The following ATG2B variants were observed in gnomAD, a reference collection of about 807,000 sequenced individuals.
ATG2B encodes the protein autophagy-related protein 2 homolog B.
A neutral mutation model predicts 241.3 loss-of-function variants in ATG2B; 121 were observed. The observed-to-expected ratio is 0.50, with a 90% CI of 0.43 to 0.58. The LOEUF (loss-of-function observed/expected upper bound fraction) is 0.58. Ranked by LOEUF, ATG2B falls within the 20% of genes least tolerant of loss-of-function variation. The pLI is 0.00. For missense variants in ATG2B, 2,306 were observed against 2,491.6 expected (o/e 0.93, Z 1.59); for synonymous variants, 858 against 876.6 (o/e 0.98, Z 0.37).
chr14:96,317,151 A>G lies in ATG2B; in HGVS notation c.3204T>C (p.Asp1068=), dbSNP rs1430797758. 1 of 1,606,062 alleles carries G rather than the reference A, an allele frequency of 6.2e-7. No individual in the cohort carries two copies. Among genetic ancestry groups the G allele is most frequent in the African/African-American group, 1.3e-5 (1 of 74,616 alleles). The change falls in exon 20 of 42, where the codon GAT becomes GAC. Residue 1068 remains aspartate, a synonymous_variant. Coordinates refer to ENST00000359933, the MANE Select transcript of ATG2B (RefSeq NM_018036.7). ...TCGGATTTGTAAACCTCACCTTCAC[A>G]TCTGTGAACACTGCTATTAATCCAT... The part of the protein sequence containing the change: ...INHGLIAVFT[D]VKQDNGDLLE...
intron 23 of ATG2B, among the ~76,000 whole-genome samples, 186 bp downstream of exon 23, chr14:96,314,968 G>A (rs1329699673): frequency 1.3e-5 from 2 of 152,352 alleles, no homozygotes; most frequent in East Asian, 3.9e-4. Flanking sequence ...TGGGATTACA[G>A]GCATGAGCCA....
intron 29 of ATG2B, 26 bp downstream of exon 29, chr14:96,309,427 C>T (rs1295483691): frequency 1.3e-6 from 2 of 1,591,348 alleles, no homozygotes; most frequent in Non-Finnish European, 1.7e-6. Flanking sequence ...AACATCAGTG[C>T]TCCCTGAGAA....
chr14:96,299,916 A>G (rs1345598409), intron 34 of ATG2B, among the ~76,000 whole-genome samples: 2 of 152,252 alleles, frequency 1.3e-5, no homozygotes, highest in Non-Finnish European at 2.9e-5. Context: ...GAAAAAATAA[A>G]CAAAAATATT....
In ATG2B at chr14:96,356,302, G is replaced by A. The variant is rs76335581; in HGVS notation, c.162+6513C>T. On this transcript the variant is annotated intron_variant, in intron 1 of 41. Transcript: ENST00000359933. Reference sequence around the variant, plus strand: ...CATTAAATCTTCATAATAACCCTCCGAATTAGGTATTTTTGTGCCTACTTT... The same window carrying A: ...CATTAAATCTTCATAATAACCCTCCAAATTAGGTATTTTTGTGCCTACTTT... 9.2e-3 allele frequency among the ~76,000 whole-genome samples: 1,398 copies of A among 152,056 alleles called. 27 individuals are homozygous for A. The highest frequency in any genetic ancestry group is 0.032 in the African/African-American group (1,341 of 41,444).
rs144736395 is a variant in ATG2B, at chr14:96,286,130, T to A, written c.6007-145A>T. ...CAAAAAAAAATGCCATGCTTTTAGA[T>A]AAACCAGGATTATTATTTTTAATGA... is the stretch of plus-strand genomic sequence containing the variant. On this transcript the variant is annotated intron_variant, in intron 41 of 41. Coordinates refer to ENST00000359933, the MANE Select transcript of ATG2B (RefSeq NM_018036.7). 1,444 of 598,630 alleles carry A rather than the reference T, an allele frequency of 2.4e-3. 20 individuals carry two copies. The highest frequency in any genetic ancestry group is 0.022 in the African/African-American group (1,208 of 54,254). The allele number at this position is 598,630 out of a possible 1,614,324, so 37.1% of individuals were successfully genotyped here.
At chr14:96,292,922 A>T (rs763627150) in intron 36 of ATG2B, 12 of 152,184 alleles carry the variant, frequency 7.9e-5, no homozygotes, top group Non-Finnish European at 1.8e-4. Context: ...ATATACTCTA[A>T]ATCATTTCTA....
Position 96,306,882 on chromosome 14 carries a change from T to G in ATG2B, c.4338A>C (p.Pro1446=), listed in dbSNP as rs774772400. 3.7e-6 allele frequency: 6 copies of G among 1,613,758 alleles called. No individual in the cohort carries two copies. Among genetic ancestry groups the G allele is most frequent in the African/African-American group, 1.3e-5 (1 of 74,898 alleles). ...VLDEKSQIQE[P]CCSDLFLFPD... ...GAAACAGGAAGAGGTCTGAACAACA[T>G]GGCTCCTGAATTTGAGATTTTTCAT... The change falls in exon 30 of 42, where the codon CCA becomes CCC. Residue 1446 remains proline (P), a synonymous_variant. Transcript: ENST00000359933.
chr14:96,353,555 G>A (rs1237217055), intron 1 of ATG2B, among the ~76,000 whole-genome samples: 1 of 152,046 alleles, frequency 6.6e-6, no homozygotes, highest in Non-Finnish European at 1.5e-5. Context: ...GAACCTGGGA[G>A]GCTGAGGTTG....
At chr14:96,286,206 G>A (rs925230496) in intron 41 of ATG2B, among the ~76,000 whole-genome samples, 2 of 151,960 alleles carry the variant, frequency 1.3e-5, no homozygotes, top group African/African-American at 4.8e-5. Context: ...GTATTTTGTT[G>A]TGACACTAGT....
chr14:96,329,413 G>A, intron 12 of ATG2B, 71 bp downstream of exon 12: 1 of 1,067,772 alleles, frequency 9.4e-7, no homozygotes, highest in Non-Finnish European at 1.3e-6. Flanking sequence ...GAAAATCATT[G>A]CCTCATACAA....
rs968695020 is a variant in ATG2B, at chr14:96,284,199, G to A, written c.*1556C>T. ...AGGCGCCTTCCCGGTAACACAGCAC[G>A]CCTTCCTGTTAGTGTGTCGCCAGGA... On this transcript the variant is annotated 3_prime_UTR_variant, in exon 42 of 42. Coordinates refer to ENST00000359933, the MANE Select transcript of ATG2B (RefSeq NM_018036.7). The A allele has an allele frequency of 2.2e-4, 34 of 152,304 alleles. No homozygotes were observed. Among genetic ancestry groups the A allele is most frequent in the African/African-American group, 8.2e-4 (34 of 41,566 alleles). 9.4% of individuals were successfully genotyped at this position (152,304 alleles called of 1,614,324 possible). A position where few individuals can be genotyped will look rare whatever the true frequency, so the allele number is the denominator to read the frequency against.
intron 1 of ATG2B, among the ~76,000 whole-genome samples, chr14:96,357,621 G>A (rs943735877): frequency 6.6e-6 from 1 of 151,738 alleles, no homozygotes. Flanking sequence ...CCATCAACTA[G>A]GTACCACAAG....
At chr14:96,352,654 TAAG>T (rs1192030150) in intron 1 of ATG2B, among the ~76,000 whole-genome samples, 1 of 151,068 alleles carries the variant, frequency 6.6e-6, no homozygotes, top group Non-Finnish European at 1.5e-5. Context: ...GCTTATAGCA[TAAG>T]AATATAAAGA....
chr14:96,316,829 A>G, intron 20 of ATG2B, 146 bp from the exon 21 acceptor site: 1 of 667,268 alleles, frequency 1.5e-6, no homozygotes, highest in Non-Finnish European at 2.5e-6. Context: ...ATTCAATATC[A>G]TGGTATAAAA....
At chr14:96,322,815 CA>C in intron 16 of ATG2B, 80 bp from the exon 17 acceptor site, 1 of 1,114,220 alleles carries the variant, frequency 9.0e-7, no homozygotes, top group Non-Finnish European at 1.3e-6. Context: ...AATTAATACA[CA>C]CACCACTGGT....
chr14:96,325,984 G>C, intron 14 of ATG2B, 62 bp from the exon 15 acceptor site: 1 of 1,487,382 alleles, frequency 6.7e-7, no homozygotes, highest in Middle Eastern at 1.8e-4. Flanking sequence ...AAATTACACA[G>C]TATTCAACAT....
At chr14:96,294,469 C>A (rs1036773145) in intron 36 of ATG2B, among the ~76,000 whole-genome samples, 1 of 152,144 alleles carries the variant, frequency 6.6e-6, no homozygotes, top group African/African-American at 2.4e-5. Context: ...AGCAGCACAG[C>A]GGACCTGGGT....
At chr14:96,316,753 T>A (rs538768130) in intron 20 of ATG2B, 70 bp from the exon 21 acceptor site, 1 of 1,362,478 alleles carries the variant, frequency 7.3e-7, no homozygotes, top group Non-Finnish European at 1.0e-6. Context: ...TTCCTTGAGA[T>A]GCTCTTTGTT....
intron 14 of ATG2B, among the ~76,000 whole-genome samples, chr14:96,326,897 C>T (rs1887600937): frequency 6.6e-6 from 1 of 152,102 alleles, no homozygotes; most frequent in African/African-American, 2.4e-5. Flanking sequence ...TAACTCTCCC[C>T]ATTTGATTTG....
Sources: gnomAD v4.1 joint callset for allele counts (sites outside exome capture counted in the v4.1 genomes callset) on GRCh38, gnomAD v4.1.1 for gene constraint, MANE v1.5 for transcripts, NCBI Gene and HGNC (gene_info 2026-07-23, HGNC 2026-07-21) for gene names.